CDH13: variants seen among roughly 807,000 people sequenced by gnomAD.
The protein encoded by CDH13 is cadherin 13.
Under a neutral mutation model 63.8 loss-of-function variants are expected in CDH13, and 24 were observed. The observed-to-expected ratio is 0.38, with a 90% CI of 0.27 to 0.53. The LOEUF is 0.53. Among genes scored for constraint, CDH13 ranks in the 20% least tolerant of loss-of-function variants. CDH13 has a pLI of 0.85. For missense variants in CDH13, 1,049 were observed against 903.1 expected (o/e 1.16, Z -2.07); for synonymous variants, 503 against 355.3 (o/e 1.42, Z -4.67).
chr16:83,112,331 C>T (rs2035096319), intron 3 of CDH13, among the ~76,000 whole-genome samples: 2 of 152,194 alleles, frequency 1.3e-5, no homozygotes, highest in South Asian at 4.1e-4. Context: ...CAGGCTCCAT[C>T]TATCCTAAAG....
At chr16:83,356,644 A>T (rs937196953) in intron 6 of CDH13, among the ~76,000 whole-genome samples, 4 of 152,140 alleles carry the variant, frequency 2.6e-5, no homozygotes, top group African/African-American at 9.7e-5. Flanking sequence ...ATACAGTAAG[A>T]TTTTTTTAAA....
In CDH13 at chr16:83,000,220, C is replaced by CTTTT. The variant is rs1567731430; in HGVS notation, c.158-31788_158-31787insTTTT. On this transcript the variant is annotated intron_variant, in intron 2 of 13. Transcript: ENST00000567109. ...TCCCTAGGAATATCCACAGGTTTAG[C>CTTTT]TTATTTTTTTTTTTTTTTTTTTTTT... 2.6e-3 allele frequency among the ~76,000 whole-genome samples: 88 copies of CTTTT among 33,960 alleles called. 9 individuals carry two copies. The highest frequency in any genetic ancestry group is 6.5e-3 in the African/African-American group (63 of 9,662). 22.3% of individuals were successfully genotyped at this position (33,960 alleles called of 152,430 possible).
intron 8 of CDH13, among the ~76,000 whole-genome samples, chr16:83,627,242 A>G (rs542168615): frequency 1.9e-4 from 29 of 152,224 alleles, no homozygotes; most frequent in Admixed American, 1.2e-3. Flanking sequence ...GTGAGCCGAG[A>G]TTGTGCGCCT....
At chr16:83,184,119 CACACACAT>C (rs1233771187) in intron 4 of CDH13, among the ~76,000 whole-genome samples, 54 of 146,756 alleles carry the variant, frequency 3.7e-4, no homozygotes, top group South Asian at 1.3e-3. Flanking sequence ...CACACACACA[CACACACAT>C]ACACACACAC....
At chr16:83,272,491 T>G (rs552436300) in intron 5 of CDH13, among the ~76,000 whole-genome samples, 1 of 152,378 alleles carries the variant, frequency 6.6e-6, no homozygotes, top group East Asian at 1.9e-4. Context: ...TTGTTCAAAC[T>G]TGAATTTTTA....
chr16:82,679,755 G>A (rs1468619140), intron 1 of CDH13, among the ~76,000 whole-genome samples: 2 of 152,194 alleles, frequency 1.3e-5, no homozygotes, highest in Non-Finnish European at 2.9e-5. Context: ...CAATGAGAAT[G>A]TGTTCATCTG....
At chr16:83,018,573 C>T (rs1451113019) in intron 2 of CDH13, among the ~76,000 whole-genome samples, 2 of 152,152 alleles carry the variant, frequency 1.3e-5, no homozygotes, top group Non-Finnish European at 2.9e-5. Context: ...CTAGATCTTC[C>T]AAATGGTAAC....
At chr16:83,748,417 C>A (rs1289608467) in intron 11 of CDH13, among the ~76,000 whole-genome samples, 167 bp downstream of exon 11, 1 of 152,212 alleles carries the variant, frequency 6.6e-6, no homozygotes, top group Non-Finnish European at 1.5e-5. Context: ...TCAGTAATAT[C>A]TCCAAGTCCC....
At chr16:83,189,281 T>C (rs1024641182) in intron 4 of CDH13, among the ~76,000 whole-genome samples, 1 of 152,184 alleles carries the variant, frequency 6.6e-6, no homozygotes, top group East Asian at 1.9e-4. Context: ...CAGCCCCTCA[T>C]GCACAACTGC....
At chr16:82,927,131 G>A (rs2042329271) in intron 2 of CDH13, among the ~76,000 whole-genome samples, 1 of 152,112 alleles carries the variant, frequency 6.6e-6, no homozygotes, top group South Asian at 2.1e-4. Context: ...CCACGTGGCT[G>A]CTTGGGCTTC....
At chr16:83,453,418 T>C (rs1360400829) in intron 6 of CDH13, among the ~76,000 whole-genome samples, 1 of 151,868 alleles carries the variant, frequency 6.6e-6, no homozygotes, top group African/African-American at 2.4e-5. Context: ...GAAAAAAACA[T>C]GAATAACATT....
At chr16:82,960,957 A>G (rs1472047544) in intron 2 of CDH13, among the ~76,000 whole-genome samples, 1 of 152,160 alleles carries the variant, frequency 6.6e-6, no homozygotes, top group African/African-American at 2.4e-5. Flanking sequence ...CAAAATATGG[A>G]TAGTTTTTTC....
intron 7 of CDH13, among the ~76,000 whole-genome samples, chr16:83,505,641 T>G (rs1443411252): frequency 6.7e-6 from 1 of 148,516 alleles, no homozygotes; most frequent in Non-Finnish European, 1.5e-5. Flanking sequence ...CCTCCCAGGT[T>G]CAAGCGATTC....
At chr16:82,647,580 A>AT (rs1478761592) in intron 1 of CDH13, among the ~76,000 whole-genome samples, 1 of 152,072 alleles carries the variant, frequency 6.6e-6, no homozygotes, top group Non-Finnish European at 1.5e-5. Context: ...CTTCCAAGCC[A>AT]TCCCACCTGA....
intron 1 of CDH13, among the ~76,000 whole-genome samples, chr16:82,748,384 G>T (rs765570376): frequency 2.0e-5 from 3 of 152,200 alleles, no homozygotes; most frequent in Non-Finnish European, 4.4e-5. Flanking sequence ...CAAAATGGTT[G>T]CCTGAGTTCT....
chr16:83,728,333 A>ATGTGTGTGTGTGTGTG (rs1433484586), intron 10 of CDH13, among the ~76,000 whole-genome samples: 5 of 46,850 alleles, frequency 1.1e-4, no homozygotes, highest in South Asian at 6.6e-4. Context: ...GTGTATGTGT[A>ATGTGTGTGTGTGTGTG]TGTGTGTGCG....
At chr16:83,107,148 G>A (rs944797035) in intron 3 of CDH13, among the ~76,000 whole-genome samples, 2 of 152,122 alleles carry the variant, frequency 1.3e-5, no homozygotes, top group Non-Finnish European at 2.9e-5. Flanking sequence ...CCTACATTAG[G>A]TTATTTTTTT....
intron 3 of CDH13, among the ~76,000 whole-genome samples, chr16:83,036,720 C>T (rs1026530655): frequency 6.6e-6 from 1 of 152,160 alleles, no homozygotes; most frequent in East Asian, 1.9e-4. Context: ...ACCCTGTGTT[C>T]TGCTTCTTCC....
At chr16:82,703,462 T>G (rs1438047096) in intron 1 of CDH13, among the ~76,000 whole-genome samples, 2 of 152,018 alleles carry the variant, frequency 1.3e-5, no homozygotes, top group African/African-American at 2.4e-5. Flanking sequence ...AGGATAAATT[T>G]CCCCACTCCC....
Sources: gnomAD v4.1 joint callset for allele counts (sites outside exome capture counted in the v4.1 genomes callset) on GRCh38, gnomAD v4.1.1 for gene constraint, MANE v1.5 for transcripts, NCBI Gene and HGNC (gene_info 2026-07-23, HGNC 2026-07-21) for gene names.